SIDT1: variants seen among roughly 807,000 people sequenced by gnomAD.
The protein encoded by SIDT1 is SID1 transmembrane family member 1, also known as SID1 transmembrane family, member 1.
In SIDT1, 101 loss-of-function variants were observed where a neutral mutation model predicts 107.5. That is an observed-to-expected ratio of 0.94 (90% CI 0.80 to 1.11). SIDT1 has a LOEUF of 1.11. Ranked by LOEUF, SIDT1 falls within the 50% of genes least tolerant of loss-of-function variation. The pLI is 0.00. For missense variants in SIDT1, 1,076 were observed against 1,058.2 expected, an observed-to-expected ratio of 1.02 and a Z score of -0.23; for synonymous variants, 395 against 398.2, an observed-to-expected ratio of 0.99 and a Z score of 0.10.
intron 11 of SIDT1, 55 bp downstream of exon 11, chr3:113,601,714 G>T (rs1944973588): frequency 7.9e-7 from 1 of 1,271,944 alleles, no homozygotes; most frequent in Non-Finnish European, 1.1e-6. Flanking sequence ...CAGAGAATAT[G>T]ATAGAAAGGC....
At chr3:113,575,581 T>C (rs1412234686) in intron 3 of SIDT1, among the ~76,000 whole-genome samples, 1 of 152,248 alleles carries the variant, frequency 6.6e-6, no homozygotes, top group Non-Finnish European at 1.5e-5. Context: ...TTGATTATGA[T>C]TTCTGTTGCA....
At chr3:113,591,265 C>G (rs1326638141) in intron 9 of SIDT1, among the ~76,000 whole-genome samples, 2 of 152,106 alleles carry the variant, frequency 1.3e-5, no homozygotes, top group Non-Finnish European at 2.9e-5. Context: ...ATTCTGACTC[C>G]CAGAACTGTA....
At chr3:113,635,881 A>T in the SIDT1 span, among the ~76,000 whole-genome samples, 2 of 151,926 alleles carry the variant, frequency 1.3e-5, no homozygotes, top group Non-Finnish European at 2.9e-5. Context: ...CTCAAAAAAA[A>T]AAAAAGAAAA....
At chr3:113,559,141 G>T (rs553989042) in intron 1 of SIDT1, among the ~76,000 whole-genome samples, 3 of 152,296 alleles carry the variant, frequency 2.0e-5, no homozygotes, top group Non-Finnish European at 2.9e-5. Context: ...ACCAATGCTT[G>T]CAGTGAACAT....
chr3:113,603,068 C>T lies in SIDT1; in HGVS notation c.1181C>T (p.Ser394Leu). ...TCCGATGGTGGGCCACCGGGCCAGT[C>T]AGACACAGACAGCTCCGTGGAGGAG... The part of the protein sequence containing the change: ...SSSDGGPPGQ[S>L]DTDSSVEESD... The change falls in exon 12 of 25, where the codon TCA becomes TTA. Residue 394 changes from serine (S) to leucine (L), a missense_variant. Physicochemically the swap from Ser to Leu is moderately radical, Grantham distance 145. Coordinates refer to ENST00000264852, the MANE Select transcript of SIDT1 (RefSeq NM_017699.3). The T allele has an allele frequency of 6.2e-7, 1 of 1,614,106 alleles. No individual in the cohort carries two copies. Among genetic ancestry groups the T allele is most frequent in the Non-Finnish European group, 8.5e-7 (1 of 1,179,994 alleles).
At chr3:113,580,886 A>G (rs1345090430) in intron 5 of SIDT1, among the ~76,000 whole-genome samples, 177 bp downstream of exon 5, 3 of 152,198 alleles carry the variant, frequency 2.0e-5, no homozygotes, top group Non-Finnish European at 4.4e-5. Flanking sequence ...GCAGACACTA[A>G]TTTGGAGTGG....
intron 9 of SIDT1, among the ~76,000 whole-genome samples, chr3:113,587,621 T>C (rs1384639364): frequency 3.9e-5 from 6 of 152,222 alleles, no homozygotes; most frequent in Non-Finnish European, 4.4e-5. Flanking sequence ...ATGGTTCCAT[T>C]TGCCTTTCAT....
downstream of SIDT1, among the ~76,000 whole-genome samples, chr3:113,633,373 T>C (rs1424735080): frequency 6.6e-6 from 1 of 152,114 alleles, no homozygotes. Flanking sequence ...TAGAACCTTA[T>C]AATAATTATG....
chr3:113,591,584 AT>A (rs1195667233), intron 9 of SIDT1, among the ~76,000 whole-genome samples: 1 of 152,230 alleles, frequency 6.6e-6, no homozygotes, highest in Non-Finnish European at 1.5e-5. Flanking sequence ...AAAGAAAGAC[AT>A]ATGGGAGGCT....
At chr3:113,599,149 A>G (rs1273867181) in intron 10 of SIDT1, among the ~76,000 whole-genome samples, 1 of 152,220 alleles carries the variant, frequency 6.6e-6, no homozygotes, top group Non-Finnish European at 1.5e-5. Context: ...TAAATAAAAT[A>G]AAATAGGGAG....
intron 9 of SIDT1, among the ~76,000 whole-genome samples, chr3:113,589,529 CT>C (rs386397654): frequency 0.14 from 15,806 of 115,744 alleles, 653 homozygotes; most frequent in East Asian, 0.42. Context: ...ACTTCTCTCC[CT>C]TTTTTTTTTT....
chr3:113,606,388 T>C (rs1945337621), intron 14 of SIDT1: 1 of 152,250 alleles, frequency 6.6e-6, no homozygotes, highest in Non-Finnish European at 1.5e-5. Context: ...AAACCCCCAG[T>C]GATTCCAACA....
intron 24 of SIDT1, 41 bp from the exon 25 acceptor site, chr3:113,627,605 G>C: frequency 6.3e-7 from 1 of 1,590,772 alleles, no homozygotes; most frequent in Non-Finnish European, 8.6e-7. Flanking sequence ...GTGTGACAGT[G>C]ACTGTCCATT....
chr3:113,554,804 C>A (rs1021265716), intron 1 of SIDT1, among the ~76,000 whole-genome samples: 5 of 151,506 alleles, frequency 3.3e-5, no homozygotes, highest in African/African-American at 1.2e-4. Flanking sequence ...TTTCTCATCC[C>A]CCCTCTTATT....
At chr3:113,554,839 T>C (rs1335918600) in intron 1 of SIDT1, among the ~76,000 whole-genome samples, 2 of 151,200 alleles carry the variant, frequency 1.3e-5, no homozygotes, top group East Asian at 2.0e-4. Flanking sequence ...AGCTCAGGCA[T>C]GGGCATGTGG....
intron 18 of SIDT1, among the ~76,000 whole-genome samples, chr3:113,611,769 T>C (rs1381062854): frequency 1.3e-5 from 2 of 152,228 alleles, no homozygotes; most frequent in Non-Finnish European, 2.9e-5. Context: ...AACCACCTTC[T>C]AAATACGCAT....
Position 113,584,785 on chromosome 3 carries a change from A to G in SIDT1, c.907+16A>G. 2 of 1,548,964 alleles carry G rather than the reference A, an allele frequency of 1.3e-6. No homozygotes were observed. The highest frequency in any genetic ancestry group is 1.7e-6 in the Non-Finnish European group (2 of 1,145,810). On this transcript the variant is annotated intron_variant, in intron 8 of 24. Transcript: ENST00000264852. Reference sequence around the variant, plus strand: ...TCCATTAAAGGTCAGTGTTGGCTCCAGAATGCATTGAAGAGATTCCTGTGT... The same window carrying G: ...TCCATTAAAGGTCAGTGTTGGCTCCGGAATGCATTGAAGAGATTCCTGTGT...
chr3:113,533,279 C>T, intron 1 of SIDT1, 36 bp downstream of exon 1: 1 of 1,372,498 alleles, frequency 7.3e-7, no homozygotes, highest in Admixed American at 3.3e-5. Context: ...ACTCCTAGAA[C>T]TTGCCAGATC....
At chr3:113,597,863 A>G (rs2107637981) in intron 10 of SIDT1, among the ~76,000 whole-genome samples, 1 of 152,298 alleles carries the variant, frequency 6.6e-6, no homozygotes, top group Admixed American at 6.5e-5. Context: ...ATAAGCTGAT[A>G]TTTTGTGTTG....
Sources: allele counts gnomAD v4.1 joint callset (sites outside exome capture counted in the v4.1 genomes callset), GRCh38; gene constraint gnomAD v4.1.1; transcripts MANE v1.5; gene names NCBI Gene and HGNC (gene_info 2026-07-23, HGNC 2026-07-21).